The following L3HYPDH variants were observed in gnomAD, a reference collection of about 807,000 sequenced individuals.
L3HYPDH encodes the protein trans-L-3-hydroxyproline dehydratase.
L3HYPDH carries 32 observed loss-of-function variants against 26.5 expected under a neutral mutation model. The ratio of observed to expected loss-of-function variants is 1.21; its 90% confidence interval spans 0.91 to 1.62. The LOEUF is 1.62. Ranked by LOEUF, L3HYPDH falls within the 40% of genes most tolerant of loss-of-function variation. The pLI is 0.00. For missense variants in L3HYPDH, 554 were observed against 476.4 expected, an observed-to-expected ratio of 1.16 and a Z score of -1.52; for synonymous variants, 215 against 196.6, an observed-to-expected ratio of 1.09 and a Z score of -0.78.
rs1890256310 is a variant in L3HYPDH, at chr14:59,483,850, G to A, written c.467C>T (p.Pro156Leu). 1 of 1,587,458 alleles carries A rather than the reference G, an allele frequency of 6.3e-7. No homozygotes were observed. The highest frequency in any genetic ancestry group is 1.1e-5 in the South Asian group (1 of 88,876). Residue 156 changes from proline to leucine, a missense_variant, in exon 1 of 5, where the codon CCG (proline) becomes CTG (leucine). Coordinates refer to ENST00000247194, the MANE Select transcript of L3HYPDH (RefSeq NM_144581.2). The part of the protein sequence containing the change: ...VACEDGRSHG[P>L]VRFHSVPAFV... ...GGCCGGGACGCTGTGGAAGCGCACC[G>A]GTCCGTGGCTGCGGCCGTCCTCGCA...
At chr14:59,484,764 G>T (rs1364982958), upstream of L3HYPDH, 9 of 969,598 alleles carry the variant, frequency 9.3e-6, no homozygotes, top group Non-Finnish European at 1.4e-5. Context: ...GGGTTGGGGT[G>T]GTCTGTCCGC....
At chr14:59,484,600 G>T, upstream of L3HYPDH, 1 of 1,579,270 alleles carries the variant, frequency 6.3e-7, no homozygotes, top group East Asian at 2.3e-5. Context: ...ATGGGTGAGT[G>T]GTCGCCAAGA....
At chr14:59,488,150 GTAATT>G (rs752423644), upstream of L3HYPDH, among the ~76,000 whole-genome samples, 3 of 151,496 alleles carry the variant, frequency 2.0e-5, no homozygotes, top group Non-Finnish European at 4.4e-5. Flanking sequence ...CACATTCTTT[GTAATT>G]TAATTTAATA....
downstream of L3HYPDH, among the ~76,000 whole-genome samples, chr14:59,468,199 G>GC (rs1889238105): frequency 6.6e-6 from 1 of 152,174 alleles, no homozygotes. Context: ...GCCAGCCTGG[G>GC]CAACATAGTG....
At chr14:59,502,755 T>TGTGTTTTTTTTTTTGTTTTTG in the L3HYPDH span, among the ~76,000 whole-genome samples, 3 of 122,916 alleles carry the variant, frequency 2.4e-5, no homozygotes, top group Non-Finnish European at 3.3e-5. Context: ...ATGAGATTTT[T>TGTGTTTTTTTTTTTGTTTTTG]TTTTTTTTTT....
chr14:59,469,271 G>T (rs1170627778), downstream of L3HYPDH, among the ~76,000 whole-genome samples: 41 of 152,130 alleles, frequency 2.7e-4, no homozygotes, highest in Non-Finnish European at 4.4e-5. Flanking sequence ...AAAAGAAGGG[G>T]AGGCCAGGCG....
chr14:59,501,013 A>G, the L3HYPDH span: 8 of 560,218 alleles, frequency 1.4e-5, no homozygotes, highest in East Asian at 3.0e-5. Context: ...ACTATTTACT[A>G]TCTTGCCCTT....
upstream of L3HYPDH, chr14:59,484,470 C>A: frequency 7.1e-7 from 1 of 1,410,824 alleles, no homozygotes. Context: ...GGAGGAACTT[C>A]GGAGCTGTCG....
Position 59,484,154 on chromosome 14 carries a change from G to C in L3HYPDH, c.163C>G (p.Arg55Gly), listed in dbSNP as rs1890301492. Residue 55 changes from arginine (R) to glycine (G), a missense_variant, in exon 1 of 5, where the codon CGC becomes GGC. Transcript: ENST00000247194. The stretch of plus-strand genomic sequence containing the variant: ...CGCCGCACGTGGTCAAGGTGCTGGC[G>C]CATGTAGCGCCGCTTGGCCAGCAGG... ...PTLLAKRRYMRQHLDHVRRRL... is the reference protein window; with the variant it reads ...PTLLAKRRYMGQHLDHVRRRL... The C allele has an allele frequency of 1.2e-6, 2 of 1,600,780 alleles. No homozygotes were observed. Among genetic ancestry groups the C allele is most frequent in the Non-Finnish European group, 1.7e-6 (2 of 1,179,306 alleles).
chr14:59,470,758 A>G (rs139512016), downstream of L3HYPDH, among the ~76,000 whole-genome samples: 189 of 152,274 alleles, frequency 1.2e-3, no homozygotes, highest in Non-Finnish European at 2.1e-3. Flanking sequence ...CAGTAGTTGA[A>G]TAGCAAAATG....
At chr14:59,498,607 A>G in the L3HYPDH span, 1 of 587,468 alleles carries the variant, frequency 1.7e-6, no homozygotes, top group Non-Finnish European at 2.9e-6. Context: ...CTGAATATCC[A>G]ATGGATAGAG....
chr14:59,471,936 A>G (rs1889323390), downstream of L3HYPDH, among the ~76,000 whole-genome samples: 1 of 152,232 alleles, frequency 6.6e-6, no homozygotes, highest in Non-Finnish European at 1.5e-5. Flanking sequence ...AAACATTAAC[A>G]TGATAGCTTT....
intron 4 of L3HYPDH, 95 bp downstream of exon 4, chr14:59,475,774 G>T: frequency 8.1e-7 from 1 of 1,240,366 alleles, no homozygotes. Flanking sequence ...TCTCTTCTGA[G>T]AGCTGAGTGA....
the L3HYPDH span, among the ~76,000 whole-genome samples, chr14:59,495,744 T>C: frequency 6.6e-6 from 1 of 152,236 alleles, no homozygotes; most frequent in East Asian, 1.9e-4. Flanking sequence ...ATTTATATTC[T>C]CATAATTGTA....
intron 2 of L3HYPDH, among the ~76,000 whole-genome samples, chr14:59,477,360 C>T (rs780967501): frequency 2.6e-5 from 4 of 152,176 alleles, no homozygotes; most frequent in African/African-American, 4.8e-5. Context: ...TGGCCTTTTC[C>T]TAAATCTGCT....
chr14:59,489,922 C>T, the L3HYPDH span, among the ~76,000 whole-genome samples: 2 of 151,680 alleles, frequency 1.3e-5, no homozygotes, highest in Non-Finnish European at 2.9e-5. Context: ...TTTAATTTAT[C>T]TTTTCGTTTT....
At chr14:59,495,320 G>A in the L3HYPDH span, 2 of 907,922 alleles carry the variant, frequency 2.2e-6, no homozygotes, top group East Asian at 2.6e-5. Context: ...ACAGGTGTGG[G>A]TTTGAGTTCT....
chr14:59,475,414 G>A (rs1011359739), intron 4 of L3HYPDH, among the ~76,000 whole-genome samples: 4 of 152,012 alleles, frequency 2.6e-5, no homozygotes, highest in African/African-American at 9.7e-5. Flanking sequence ...ACACATTTTT[G>A]TGAAAATAAC....
chr14:59,495,100 G>A, the L3HYPDH span: 1 of 1,613,560 alleles, frequency 6.2e-7, no homozygotes, highest in Non-Finnish European at 8.5e-7. Context: ...GAGTGATCCA[G>A]TTGGTGTTCT....
Sources: allele counts gnomAD v4.1 joint callset (sites outside exome capture counted in the v4.1 genomes callset), GRCh38; gene constraint gnomAD v4.1.1; transcripts MANE v1.5; gene names NCBI Gene and HGNC (gene_info 2026-07-23, HGNC 2026-07-21).